Variants in FGF13 observed in about 807,000 individuals in gnomAD.
FGF13 encodes the protein fibroblast growth factor 13, also known as fibroblast growth factor homologous factor 2.
A neutral mutation model predicts 19.5 loss-of-function variants in FGF13; 2 were observed. The ratio of observed to expected loss-of-function variants is 0.10; its 90% CI spans 0.04 to 0.32. FGF13 has a LOEUF of 0.32. FGF13 is among the 10% of genes least tolerant of loss of function. The pLI, the probability that FGF13 is intolerant of heterozygous loss-of-function variation, is 1.00. For missense variants in FGF13, 113 were observed against 192.7 expected (o/e 0.59, Z 2.45); for synonymous variants, 72 against 76.9 (o/e 0.94, Z 0.33).
At chrX:138,778,464 G>A (rs925360819) in intron 3 of FGF13, among the ~76,000 whole-genome samples, 6 of 112,059 alleles carry the variant, frequency 5.4e-5, no homozygotes, top group Admixed American at 9.4e-5. Context: ...GCAGCACACC[G>A]TGCGCGAGCC....
At chrX:139,044,682 T>C (rs1470605734) in intron 1 of FGF13, among the ~76,000 whole-genome samples, 1 of 111,241 alleles carries the variant, frequency 9.0e-6, no homozygotes, top group Non-Finnish European at 1.9e-5. Flanking sequence ...ATGTGTCCTA[T>C]GCAAGTTCAA....
intron 3 of FGF13, among the ~76,000 whole-genome samples, chrX:138,668,141 C>T (rs373877711): frequency 1.0e-3 from 116 of 111,687 alleles, no homozygotes; most frequent in African/African-American, 3.3e-3. Context: ...ACTTAATGAA[C>T]TTAACACTGT....
intron 1 of FGF13, among the ~76,000 whole-genome samples, chrX:138,972,482 G>C (rs1234340950): frequency 4.7e-5 from 5 of 106,356 alleles, no homozygotes; most frequent in African/African-American, 1.7e-4. Context: ...TCAGCCTTCC[G>C]AGTAGCTGGG....
intron 1 of FGF13, among the ~76,000 whole-genome samples, chrX:138,968,285 T>C (rs753048752): frequency 1.3e-4 from 15 of 112,342 alleles, no homozygotes; most frequent in African/African-American, 4.2e-4. Context: ...ATTTCTCCCA[T>C]ACTTTTAAGG....
intron 3 of FGF13, among the ~76,000 whole-genome samples, chrX:138,777,380 C>G (rs951796061): frequency 4.5e-5 from 5 of 111,787 alleles, no homozygotes; most frequent in Non-Finnish European, 9.4e-5. Context: ...CTGACACTCT[C>G]TCCCATTTTG....
intron 3 of FGF13, among the ~76,000 whole-genome samples, chrX:138,782,562 A>T (rs1444924083): frequency 3.7e-5 from 4 of 106,737 alleles, no homozygotes; most frequent in Non-Finnish European, 7.7e-5. Context: ...TCCCATTCAC[A>T]ATTGCTTCAA....
chrX:138,718,319 C>T (rs2090123835), intron 1 of FGF13, among the ~76,000 whole-genome samples: 1 of 111,757 alleles, frequency 8.9e-6, no homozygotes, highest in Non-Finnish European at 1.9e-5. Context: ...ACTAGGTAAC[C>T]TAAATGAAAA....
At chrX:138,687,075 C>T (rs188609645) in intron 3 of FGF13, among the ~76,000 whole-genome samples, 1 of 111,711 alleles carries the variant, frequency 9.0e-6, no homozygotes, top group Non-Finnish European at 1.9e-5. Context: ...GAAAATGCTA[C>T]AGGACATTGG....
chrX:139,028,614 TGTGAGA>T (rs1399400973), intron 1 of FGF13, among the ~76,000 whole-genome samples: 6 of 51,017 alleles, frequency 1.2e-4, no homozygotes, highest in South Asian at 1.1e-3. Context: ...TGTGTGTGTG[TGTGAGA>T]GAGAGAGAGA....
intron 1 of FGF13, among the ~76,000 whole-genome samples, chrX:138,895,276 C>T (rs1452799590): frequency 8.9e-6 from 1 of 111,762 alleles, no homozygotes; most frequent in Non-Finnish European, 1.9e-5. Context: ...TCCACAGTTA[C>T]CATGTATGTG....
chrX:138,952,958 G>C (rs1215643820), intron 1 of FGF13, among the ~76,000 whole-genome samples: 1 of 111,091 alleles, frequency 9.0e-6, no homozygotes, highest in East Asian at 2.9e-4. Context: ...GGAGAAATAG[G>C]AACACTTTTA....
intron 3 of FGF13, among the ~76,000 whole-genome samples, chrX:138,702,314 A>AT (rs1372797809): frequency 8.9e-6 from 1 of 112,170 alleles, no homozygotes; most frequent in Non-Finnish European, 1.9e-5. Context: ...CATTTTGCTT[A>AT]TATCTAAATG....
intron 1 of FGF13, among the ~76,000 whole-genome samples, chrX:138,954,685 T>C (rs146949158): frequency 0.028 from 3,114 of 111,502 alleles, 122 homozygotes; most frequent in African/African-American, 0.096. Context: ...AATGCATTTT[T>C]TAAAATGATC....
In FGF13 at chrX:139,192,667, C is replaced by T. The variant is rs1162837677; in HGVS notation, c.-113+10749G>A. On this transcript the variant is annotated intron_variant, in intron 1 of 2. Coordinates refer to the FGF13 transcript ENST00000421460. ...ATATACTGAATCAAATTCTCATGGTCGGGGGTATATGTGGTTAGACGTGAT... is the reference window on the plus strand; with the variant it reads ...ATATACTGAATCAAATTCTCATGGTTGGGGGTATATGTGGTTAGACGTGAT... Among the ~76,000 whole-genome samples, 9 of 111,421 alleles carry T rather than the reference C, an allele frequency of 8.1e-5. No individual in the cohort carries two copies. In the East Asian group the frequency reaches 1.7e-3, roughly 21 times the overall value.
At chrX:139,174,154 G>A (rs745991415) in intron 1 of FGF13, among the ~76,000 whole-genome samples, 4 of 112,552 alleles carry the variant, frequency 3.6e-5, no homozygotes, top group Non-Finnish European at 7.5e-5. Context: ...AATGACCAGT[G>A]ATGATGAACT....
chrX:138,797,903 C>T (rs1370400346), intron 3 of FGF13, among the ~76,000 whole-genome samples: 2 of 111,935 alleles, frequency 1.8e-5, no homozygotes, highest in African/African-American at 6.5e-5. Context: ...GATTTTTGCA[C>T]ATTGATTTTG....
intron 1 of FGF13, among the ~76,000 whole-genome samples, chrX:139,055,796 G>T (rs2092319223): frequency 8.9e-6 from 1 of 112,329 alleles, no homozygotes; most frequent in Non-Finnish European, 1.9e-5. Context: ...CAATCTTCAA[G>T]ATGAATTTTA....
intron 1 of FGF13, among the ~76,000 whole-genome samples, chrX:139,001,411 A>G (rs749542164): frequency 9.0e-4 from 100 of 111,674 alleles, no homozygotes; most frequent in African/African-American, 3.2e-3. Context: ...CCTACAGAAT[A>G]GGAGAAAATT....
chrX:138,957,651 A>G (rs1302696661), intron 1 of FGF13, among the ~76,000 whole-genome samples: 1 of 111,978 alleles, frequency 8.9e-6, no homozygotes, highest in South Asian at 3.7e-4. Context: ...ATCCATGAGC[A>G]TGGAATGTTC....
Sources: allele counts gnomAD v4.1 joint callset (sites outside exome capture counted in the v4.1 genomes callset), GRCh38; gene constraint gnomAD v4.1.1; transcripts MANE v1.5; gene names NCBI Gene and HGNC (gene_info 2026-07-23, HGNC 2026-07-21).